Variants in DLGAP2 observed in about 807,000 individuals in gnomAD.
DLGAP2 encodes DLG associated protein 2.
DLGAP2 carries 26 observed loss-of-function variants against 100.3 expected under a neutral mutation model. The ratio of observed to expected loss-of-function variants is 0.26; its 90% CI spans 0.19 to 0.36. The LOEUF (loss-of-function observed/expected upper bound fraction) is 0.36. Among genes scored for constraint, DLGAP2 ranks in the 10% least tolerant of loss-of-function variants. DLGAP2 has a pLI of 1.00. For missense variants in DLGAP2, 1,858 were observed against 1,453.2 expected (o/e 1.28, Z -4.53); for synonymous variants, 886 against 630.1 (o/e 1.41, Z -6.08).
At chr8:1,417,517 T>G (rs981838910) in intron 3 of DLGAP2, among the ~76,000 whole-genome samples, 14 of 152,256 alleles carry the variant, frequency 9.2e-5, no homozygotes, top group African/African-American at 3.4e-4. Context: ...GCAGGCATAG[T>G]ACATAGCACA....
chr8:800,181 G>A (rs368849170), intron 1 of DLGAP2, among the ~76,000 whole-genome samples: 4 of 152,216 alleles, frequency 2.6e-5, no homozygotes, highest in Admixed American at 2.0e-4. Flanking sequence ...TGCCCGAGGT[G>A]TGGGTCCTGC....
At chr8:1,364,623 C>T (rs900210378) in intron 3 of DLGAP2, among the ~76,000 whole-genome samples, 1 of 152,226 alleles carries the variant, frequency 6.6e-6, no homozygotes, top group Non-Finnish European at 1.5e-5. Flanking sequence ...TTCAGTGGTT[C>T]TGTCAGTGAC....
intron 3 of DLGAP2, among the ~76,000 whole-genome samples, chr8:1,416,700 T>C (rs1410805353): frequency 6.6e-6 from 1 of 152,158 alleles, no homozygotes; most frequent in Non-Finnish European, 1.5e-5. Flanking sequence ...GGTCACTTAA[T>C]AAGTAAAACA....
intron 2 of DLGAP2, among the ~76,000 whole-genome samples, chr8:1,164,921 A>T (rs1297989595): frequency 6.6e-6 from 1 of 152,142 alleles, no homozygotes; most frequent in Admixed American, 6.5e-5. Context: ...TGCAAGATGC[A>T]ATCGTGGAAA....
intron 6 of DLGAP2, among the ~76,000 whole-genome samples, chr8:1,578,806 C>T (rs898707355): frequency 3.9e-5 from 6 of 152,188 alleles, no homozygotes; most frequent in African/African-American, 7.2e-5. Flanking sequence ...AATCCTGTCC[C>T]ACCTGTCTCA....
intron 2 of DLGAP2, among the ~76,000 whole-genome samples, chr8:1,185,930 G>A (rs1375732928): frequency 2.0e-5 from 3 of 152,118 alleles, no homozygotes; most frequent in African/African-American, 2.4e-5. Flanking sequence ...AGGACTTCTC[G>A]CCTCGGAGTT....
At chr8:1,000,753 G>T (rs1396354396) in intron 2 of DLGAP2, among the ~76,000 whole-genome samples, 1 of 152,160 alleles carries the variant, frequency 6.6e-6, no homozygotes, top group South Asian at 2.1e-4. Flanking sequence ...GACTGCAGGG[G>T]CGTTGGGGGT....
chr8:1,337,269 GGAT>G (rs1563091243), intron 3 of DLGAP2, among the ~76,000 whole-genome samples: 1 of 136,390 alleles, frequency 7.3e-6, no homozygotes, highest in African/African-American at 2.8e-5. Context: ...GTGATGATGA[GGAT>G]GATGGTGGTG....
intron 6 of DLGAP2, among the ~76,000 whole-genome samples, chr8:1,576,014 C>G (rs771322665): frequency 3.4e-4 from 51 of 152,160 alleles, no homozygotes; most frequent in Non-Finnish European, 3.5e-4. Flanking sequence ...AATGGTATTT[C>G]TAGTTCTAGA....
chr8:1,448,418 G>T (rs1162656190), intron 3 of DLGAP2, among the ~76,000 whole-genome samples: 1 of 152,156 alleles, frequency 6.6e-6, no homozygotes, highest in Admixed American at 6.5e-5. Context: ...TCTTAGTCCT[G>T]ACTTCCAGTT....
At chr8:1,323,381 G>A (rs534822453) in intron 3 of DLGAP2, among the ~76,000 whole-genome samples, 5 of 152,114 alleles carry the variant, frequency 3.3e-5, no homozygotes, top group Non-Finnish European at 7.3e-5. Context: ...CACATCCTCC[G>A]GGAGGAAAGG....
At chr8:843,521 C>T (rs1318466968) in intron 1 of DLGAP2, among the ~76,000 whole-genome samples, 3 of 152,214 alleles carry the variant, frequency 2.0e-5, no homozygotes, top group African/African-American at 7.2e-5. Context: ...TCCTGGGGTT[C>T]CACCGGGCCT....
intron 2 of DLGAP2, among the ~76,000 whole-genome samples, chr8:1,185,719 ACACACACTCACACT>A (rs1563238627): frequency 1.4e-4 from 11 of 78,154 alleles, no homozygotes; most frequent in Admixed American, 1.1e-3. Flanking sequence ...TCACACACAC[ACACACACTCACACT>A]CACACACACA....
chr8:1,415,164 A>G (rs943759192), intron 3 of DLGAP2, among the ~76,000 whole-genome samples: 2 of 152,346 alleles, frequency 1.3e-5, no homozygotes, highest in Middle Eastern at 3.4e-3. Flanking sequence ...AGGCAACTCT[A>G]TTCTGCCAAC....
At chr8:1,694,276 T>G (rs1799323854) in intron 13 of DLGAP2, among the ~76,000 whole-genome samples, 1 of 152,090 alleles carries the variant, frequency 6.6e-6, no homozygotes, top group South Asian at 2.1e-4. Context: ...GAGTGTTGAC[T>G]TGTTAAGAGA....
chr8:818,959 C>T (rs1796536812), intron 1 of DLGAP2, among the ~76,000 whole-genome samples: 1 of 152,070 alleles, frequency 6.6e-6, no homozygotes, highest in African/African-American at 2.4e-5. Flanking sequence ...TCATAGATGT[C>T]TTTTTACAAG....
intron 3 of DLGAP2, among the ~76,000 whole-genome samples, chr8:1,464,952 A>T (rs1181129801): frequency 6.6e-6 from 1 of 152,236 alleles, no homozygotes; most frequent in Non-Finnish European, 1.5e-5. Context: ...AAAACACACC[A>T]CAGTGGTTTT....
At chr8:1,651,694 C>A (rs1000788483) in intron 8 of DLGAP2, among the ~76,000 whole-genome samples, 2 of 152,192 alleles carry the variant, frequency 1.3e-5, no homozygotes, top group Non-Finnish European at 2.9e-5. Flanking sequence ...GGCTGTGTAG[C>A]CCTCCCCATG....
At chr8:1,269,933 C>T (rs1455914098) in intron 3 of DLGAP2, among the ~76,000 whole-genome samples, 3 of 152,164 alleles carry the variant, frequency 2.0e-5, no homozygotes, top group Admixed American at 2.0e-4. Context: ...CTTCATGGAC[C>T]GTGGAGAGGC....
Sources: gnomAD v4.1 joint callset for allele counts (sites outside exome capture counted in the v4.1 genomes callset) on GRCh38, gnomAD v4.1.1 for gene constraint, MANE v1.5 for transcripts, NCBI Gene and HGNC (gene_info 2026-07-23, HGNC 2026-07-21) for gene names.